The following GRM1 variants were observed in gnomAD, a reference collection of about 807,000 sequenced individuals.
The protein encoded by GRM1 is glutamate metabotropic receptor 1.
GRM1 carries 33 observed loss-of-function variants against 90.9 expected under a neutral mutation model. The ratio of observed to expected loss-of-function variants is 0.36; its 90% confidence interval spans 0.28 to 0.49. GRM1 has a LOEUF of 0.49. Ranked by LOEUF, GRM1 falls within the 20% of genes least tolerant of loss-of-function variation. GRM1 has a pLI of 0.99. For synonymous variants in GRM1, 700 were observed against 613.2 expected (o/e 1.14, Z -2.09); for missense variants, 1,190 against 1,534.3 (o/e 0.78, Z 3.75).
intron 2 of GRM1, among the ~76,000 whole-genome samples, chr6:146,215,676 A>T (rs1252365349): frequency 6.6e-6 from 1 of 151,952 alleles, no homozygotes; most frequent in African/African-American, 2.4e-5. Flanking sequence ...CTCCTTTATG[A>T]TGTGCTTATT....
chr6:146,421,843 G>A (rs889659115), intron 7 of GRM1, among the ~76,000 whole-genome samples: 6 of 152,054 alleles, frequency 3.9e-5, no homozygotes, highest in Non-Finnish European at 5.9e-5. Context: ...TTTACAGAGA[G>A]CCTACACACA....
At chr6:146,238,574 A>G (rs1012324893) in intron 2 of GRM1, among the ~76,000 whole-genome samples, 13 of 152,110 alleles carry the variant, frequency 8.5e-5, no homozygotes, top group Non-Finnish European at 8.8e-5. Flanking sequence ...TCTTCCCACT[A>G]CAGTTGCTGA....
rs145352164 is a variant in GRM1 at position 146,399,415 on chromosome 6, C to T, written c.2376C>T (p.Tyr792=). ...NEAKYIAFTM[Y]TTCIIWLAFV... Reference sequence around the variant, plus strand: ...CCAAATATATCGCGTTCACCATGTACACCACCTGTATCATCTGGCTAGCTT... The same window carrying T: ...CCAAATATATCGCGTTCACCATGTATACCACCTGTATCATCTGGCTAGCTT... Residue 792 remains tyrosine (Y), a synonymous_variant, in exon 7 of 8, where the codon TAC becomes TAT. Coordinates refer to ENST00000282753, the MANE Select transcript of GRM1 (RefSeq NM_001278064.2). The surrounding 1 kb of genome is among the most constrained non-coding windows in gnomAD (Gnocchi z 5.4). The T allele has an allele frequency of 1.3e-5, 21 of 1,614,102 alleles. No homozygotes were observed. Among genetic ancestry groups the T allele is most frequent in the East Asian group, 1.1e-4 (5 of 44,898 alleles).
chr6:146,150,012 G>A (rs191987890), intron 1 of GRM1, among the ~76,000 whole-genome samples: 22 of 152,250 alleles, frequency 1.4e-4, no homozygotes, highest in Non-Finnish European at 2.9e-4. Flanking sequence ...CATGCTGACT[G>A]TGTTAGAGGA....
At chr6:146,100,287 G>A (rs940000151) in intron 1 of GRM1, among the ~76,000 whole-genome samples, 3 of 152,130 alleles carry the variant, frequency 2.0e-5, no homozygotes, top group East Asian at 1.9e-4. Context: ...AAAGCCATAT[G>A]ATAAGCAGAT....
At chr6:146,030,875 C>G (rs1790682706) in intron 1 of GRM1, among the ~76,000 whole-genome samples, 1 of 152,106 alleles carries the variant, frequency 6.6e-6, no homozygotes, top group East Asian at 1.9e-4. Flanking sequence ...CATCCAGATT[C>G]CCTCACTCCC....
At chr6:146,103,379 AGACAGGTGAAGG>A (rs1441916431) in intron 1 of GRM1, among the ~76,000 whole-genome samples, 1 of 152,116 alleles carries the variant, frequency 6.6e-6, no homozygotes, top group African/African-American at 2.4e-5. Flanking sequence ...CTTTGCTTTG[AGACAGGTGAAGG>A]GACACGAAGG....
chr6:146,204,858 G>A (rs1468520434), intron 2 of GRM1, among the ~76,000 whole-genome samples: 1 of 152,096 alleles, frequency 6.6e-6, no homozygotes, highest in Non-Finnish European at 1.5e-5. Flanking sequence ...TAAGGCAGGG[G>A]CCTTATTTTC....
At chr6:146,113,780 C>T (rs1411171085) in intron 1 of GRM1, among the ~76,000 whole-genome samples, 1 of 152,114 alleles carries the variant, frequency 6.6e-6, no homozygotes, top group Non-Finnish European at 1.5e-5. Context: ...TGATTCATTT[C>T]TCTCAGAGGT....
chr6:146,430,802 C>A (rs903690568), intron 7 of GRM1, among the ~76,000 whole-genome samples: 1 of 152,154 alleles, frequency 6.6e-6, no homozygotes, highest in African/African-American at 2.4e-5. Flanking sequence ...ACTAAATATA[C>A]CTCTCTTCAC....
Position 146,437,546 on chromosome 6 carries a change from C to A in GRM1, c.*2750C>A, listed in dbSNP as rs992502330. 2 of 152,512 alleles carry A rather than the reference C, an allele frequency of 1.3e-5. No homozygotes were observed. The highest frequency in any genetic ancestry group is 2.4e-5 in the African/African-American group (1 of 41,404). 9.4% of individuals were successfully genotyped at this position (152,512 alleles called of 1,614,324 possible). A position where few individuals can be genotyped will look rare whatever the true frequency, so the allele number is the denominator to read the frequency against. On this transcript the variant is annotated 3_prime_UTR_variant, in exon 8 of 8. Transcript: ENST00000282753. ...TGTGTTTTCCTTCGGCTTGTTACTG[C>A]CTTTTGTCAAATAATCTTGACAATG...
intron 1 of GRM1, among the ~76,000 whole-genome samples, chr6:146,042,320 T>G (rs1006790806): frequency 7.2e-5 from 11 of 152,038 alleles, no homozygotes; most frequent in Admixed American, 6.6e-4. Context: ...GCATCCTTGT[T>G]CCTGAGAAAG....
chr6:146,401,218 C>A (rs1777147312), intron 7 of GRM1, among the ~76,000 whole-genome samples: 1 of 152,110 alleles, frequency 6.6e-6, no homozygotes, highest in South Asian at 2.1e-4. Context: ...CCCTAATTTT[C>A]TCAAAACTAG....
intron 3 of GRM1, among the ~76,000 whole-genome samples, chr6:146,325,333 C>G (rs531176743): frequency 6.6e-6 from 1 of 152,198 alleles, no homozygotes; most frequent in South Asian, 2.1e-4. Context: ...ATAAGTGACA[C>G]GGATGAGCAG....
At chr6:146,291,429 G>A (rs1482996368) in intron 2 of GRM1, among the ~76,000 whole-genome samples, 1 of 151,022 alleles carries the variant, frequency 6.6e-6, no homozygotes, top group Non-Finnish European at 1.5e-5. Flanking sequence ...TCCTTGAGGT[G>A]TTTTATCTCT....
intron 1 of GRM1, among the ~76,000 whole-genome samples, chr6:146,100,890 G>A (rs1210282224): frequency 6.6e-6 from 1 of 152,158 alleles, no homozygotes; most frequent in East Asian, 1.9e-4. Flanking sequence ...TTGAGGCCAG[G>A]AGTTCAAGAC....
chr6:146,088,224 G>T (rs1268179569), intron 1 of GRM1, among the ~76,000 whole-genome samples: 1 of 152,050 alleles, frequency 6.6e-6, no homozygotes, highest in South Asian at 2.1e-4. Flanking sequence ...TATATTTTAT[G>T]TGTATATTCT....
chr6:146,233,416 CT>C (rs975836859), intron 2 of GRM1, among the ~76,000 whole-genome samples: 1 of 151,912 alleles, frequency 6.6e-6, no homozygotes, highest in African/African-American at 2.4e-5. Context: ...AAATCTGTAT[CT>C]TTTTTTTCCC....
chr6:146,239,694 TA>T (rs758007940), intron 2 of GRM1, among the ~76,000 whole-genome samples: 2 of 152,152 alleles, frequency 1.3e-5, no homozygotes, highest in Non-Finnish European at 2.9e-5. Flanking sequence ...AGCATTCAGG[TA>T]AAAATATTAG....
Sources: allele counts gnomAD v4.1 joint callset (sites outside exome capture counted in the v4.1 genomes callset), GRCh38; gene constraint gnomAD v4.1.1; non-coding constraint Gnocchi (gnomAD v3.1); transcripts MANE v1.5; gene names NCBI Gene and HGNC (gene_info 2026-07-23, HGNC 2026-07-21).